Variants in DPP6 observed in about 807,000 individuals in gnomAD.
DPP6 encodes dipeptidyl peptidase like 6.
Under a neutral mutation model 122.6 loss-of-function variants are expected in DPP6, and 69 were observed. That is an observed-to-expected ratio of 0.56 (90% CI 0.46 to 0.69). DPP6 has a LOEUF of 0.69. DPP6 is among the 30% of genes least tolerant of loss of function. The probability of loss-of-function intolerance (pLI) is 0.00; values close to 1 mark genes in which losing one functional copy is unlikely to be tolerated. For synonymous variants in DPP6, 418 were observed against 433.1 expected, an observed-to-expected ratio of 0.97 and a Z score of 0.43; for missense variants, 928 against 1,116.9, an observed-to-expected ratio of 0.83 and a Z score of 2.41.
chr7:154,548,008 A>G (rs1419095489), intron 4 of DPP6, among the ~76,000 whole-genome samples: 2 of 151,694 alleles, frequency 1.3e-5, no homozygotes, highest in African/African-American at 2.4e-5. Context: ...CAGGAGTTCA[A>G]GACCAGCCTG....
intron 7 of DPP6, among the ~76,000 whole-genome samples, chr7:154,705,110 A>G (rs1840754429): frequency 6.6e-6 from 1 of 152,242 alleles, no homozygotes; most frequent in South Asian, 2.1e-4. Flanking sequence ...GTACAAGGAA[A>G]AGCTCAGGGA....
chr7:154,638,788 T>C (rs1278706873), intron 6 of DPP6, among the ~76,000 whole-genome samples: 1 of 152,160 alleles, frequency 6.6e-6, no homozygotes, highest in East Asian at 1.9e-4. Context: ...TGTTGTTTTA[T>C]CTTCATTATT....
the DPP6 span, among the ~76,000 whole-genome samples, chr7:153,828,212 C>A: frequency 6.6e-6 from 1 of 152,268 alleles, no homozygotes; most frequent in Admixed American, 6.5e-5. Flanking sequence ...GCCTGCAAAA[C>A]AGGACGCTTA....
chr7:154,273,553 G>T, intron 1 of DPP6, among the ~76,000 whole-genome samples: 1 of 152,166 alleles, frequency 6.6e-6, no homozygotes, highest in East Asian at 1.9e-4. Context: ...GTTATTTTCT[G>T]TGTAACAATG....
At chr7:154,455,228 C>T (rs1397989994) in intron 2 of DPP6, among the ~76,000 whole-genome samples, 4 of 152,100 alleles carry the variant, frequency 2.6e-5, no homozygotes, top group Non-Finnish European at 5.9e-5. Context: ...TTCGGTTCCC[C>T]GGAGCTGCGA....
At chr7:154,334,665 G>A (rs555608216) in intron 1 of DPP6, among the ~76,000 whole-genome samples, 152 of 152,280 alleles carry the variant, frequency 1.0e-3, no homozygotes, top group Non-Finnish European at 1.9e-3. Flanking sequence ...GGGAGGCCGC[G>A]GTGGCAGATC....
chr7:153,918,978 CAAAA>C (rs386411718), intron 1 of DPP6, among the ~76,000 whole-genome samples: 2 of 89,332 alleles, frequency 2.2e-5, no homozygotes, highest in Admixed American at 1.5e-4. Flanking sequence ...GACTCTGTCT[CAAAA>C]AAAAAAAAAA....
the DPP6 span, among the ~76,000 whole-genome samples, chr7:153,790,023 A>G: frequency 6.6e-6 from 1 of 152,154 alleles, no homozygotes; most frequent in Non-Finnish European, 1.5e-5. Flanking sequence ...TAAATAATTT[A>G]AGTAACTAAT....
chr7:154,767,178 G>A (rs1161022655), intron 8 of DPP6, among the ~76,000 whole-genome samples: 1 of 151,710 alleles, frequency 6.6e-6, no homozygotes, highest in African/African-American at 2.4e-5. Flanking sequence ...GTGAATTAAT[G>A]TCCCGTGGAA....
intron 25 of DPP6, chr7:154,890,473 G>T (rs1204630025): frequency 6.6e-6 from 1 of 152,286 alleles, no homozygotes; most frequent in Non-Finnish European, 1.5e-5. Context: ...AAGACGTTCA[G>T]ATTTCAGACT....
intron 5 of DPP6, among the ~76,000 whole-genome samples, chr7:154,610,673 G>T (rs1187068777): frequency 1.4e-5 from 2 of 146,526 alleles, no homozygotes; most frequent in African/African-American, 5.0e-5. Flanking sequence ...TCCAATTTAT[G>T]TTTTTTTTTT....
chr7:154,699,072 A>T lies in DPP6; in HGVS notation c.763-28695A>T, dbSNP rs139993623. On this transcript the variant is annotated intron_variant, in intron 7 of 25. Transcript: ENST00000377770. ...CAGCCACCCAGGGAACCTGGGAGGG[A>T]AGCAGACACTGTCTGAGAAGGGAGG... is the stretch of plus-strand genomic sequence containing the variant. Among the ~76,000 whole-genome samples, 28 of 152,264 alleles carry T rather than the reference A, an allele frequency of 1.8e-4. No homozygotes were observed. The East Asian group carries it at 4.8e-3, about 26-fold the overall frequency.
At chr7:153,841,528 G>A in the DPP6 span, among the ~76,000 whole-genome samples, 5 of 152,140 alleles carry the variant, frequency 3.3e-5, no homozygotes, top group Non-Finnish European at 7.4e-5. Flanking sequence ...AGGGTATCTC[G>A]GCATTACCAG....
At chr7:154,824,420 C>T (rs1374165932) in intron 16 of DPP6, among the ~76,000 whole-genome samples, 2 of 152,198 alleles carry the variant, frequency 1.3e-5, no homozygotes, top group African/African-American at 4.8e-5. Context: ...GCTGGGATTA[C>T]AGGCATGTGC....
chr7:154,083,688 C>T (rs1435835267), intron 1 of DPP6, among the ~76,000 whole-genome samples: 1 of 146,978 alleles, frequency 6.8e-6, no homozygotes, highest in Non-Finnish European at 1.5e-5. Flanking sequence ...CTCATGTTTT[C>T]TCACCAGCCA....
At chr7:154,035,244 G>C (rs538316533) in intron 1 of DPP6, among the ~76,000 whole-genome samples, 1 of 152,250 alleles carries the variant, frequency 6.6e-6, no homozygotes, top group Admixed American at 6.5e-5. Context: ...GGGCGTGAAG[G>C]CTCCGTTCGT....
chr7:154,575,814 A>AGT (rs1420169595), intron 5 of DPP6, among the ~76,000 whole-genome samples: 20 of 145,980 alleles, frequency 1.4e-4, no homozygotes, highest in Admixed American at 8.9e-4. Flanking sequence ...TTGTGTGTGT[A>AGT]GTGTGTGTGT....
At chr7:154,741,170 T>C (rs1842802244) in intron 8 of DPP6, among the ~76,000 whole-genome samples, 2 of 152,214 alleles carry the variant, frequency 1.3e-5, no homozygotes, top group African/African-American at 4.8e-5. Flanking sequence ...TGGCAGAGGC[T>C]GTCCTGGGAA....
At chr7:154,435,461 A>C (rs1357009769) in intron 1 of DPP6, among the ~76,000 whole-genome samples, 3 of 152,178 alleles carry the variant, frequency 2.0e-5, no homozygotes, top group African/African-American at 7.2e-5. Context: ...ATTTTCCTCC[A>C]TCTACCCCTA....
Sources: gnomAD v4.1 joint callset for allele counts (sites outside exome capture counted in the v4.1 genomes callset) on GRCh38, gnomAD v4.1.1 for gene constraint, MANE v1.5 for transcripts, NCBI Gene and HGNC (gene_info 2026-07-23, HGNC 2026-07-21) for gene names.